The following PLPPR1 variants were observed in gnomAD, a reference collection of about 807,000 sequenced individuals.
PLPPR1 encodes phospholipid phosphatase-related protein type 1.
In PLPPR1, 10 loss-of-function variants were observed where a neutral mutation model predicts 33.1. The ratio of observed to expected loss-of-function variants is 0.30; its 90% CI spans 0.19 to 0.51. The LOEUF is 0.51. PLPPR1 is among the 20% of genes least tolerant of loss of function. The probability of loss-of-function intolerance (pLI) is 0.97; values close to 1 mark genes in which losing one functional copy is unlikely to be tolerated. For synonymous variants in PLPPR1, 151 were observed against 151.0 expected, an observed-to-expected ratio of 1.00 and a Z score of 0.00; for missense variants, 304 against 408.1, an observed-to-expected ratio of 0.74 and a Z score of 2.20.
At chr9:101,178,124 G>A (rs1010348595) in intron 1 of PLPPR1, among the ~76,000 whole-genome samples, 1 of 152,188 alleles carries the variant, frequency 6.6e-6, no homozygotes, top group African/African-American at 2.4e-5. Context: ...ATGATCAAGT[G>A]GATAGAATGA....
At chr9:101,046,366 C>T (rs1335761849) in intron 1 of PLPPR1, among the ~76,000 whole-genome samples, 1 of 151,624 alleles carries the variant, frequency 6.6e-6, no homozygotes, top group Non-Finnish European at 1.5e-5. Context: ...CCCAGAGCAA[C>T]AGGAAAATTG....
intron 2 of PLPPR1, among the ~76,000 whole-genome samples, chr9:101,210,989 G>A (rs950858834): frequency 2.0e-5 from 3 of 152,194 alleles, no homozygotes; most frequent in East Asian, 1.9e-4. Flanking sequence ...GGATGGTCTC[G>A]ATCTCCTGAC....
At chr9:101,094,547 C>T (rs1439135040) in intron 1 of PLPPR1, among the ~76,000 whole-genome samples, 1 of 152,104 alleles carries the variant, frequency 6.6e-6, no homozygotes, top group Admixed American at 6.5e-5. Flanking sequence ...ATCCCTTGAG[C>T]TTAGGACTGT....
intron 1 of PLPPR1, 138 bp from the exon 2 acceptor site, chr9:101,185,312 T>C (rs1193705404): frequency 1.1e-5 from 5 of 473,490 alleles, no homozygotes; most frequent in Non-Finnish European, 1.9e-5. Flanking sequence ...CTTGACTGTG[T>C]TGTAGATCAC....
chr9:101,204,150 C>T (rs1403123159), intron 2 of PLPPR1, among the ~76,000 whole-genome samples: 4 of 152,110 alleles, frequency 2.6e-5, no homozygotes, highest in Non-Finnish European at 5.9e-5. Context: ...GGTCTCATAA[C>T]CCAATATAAA....
Position 101,029,802 on chromosome 9 carries a change from T to C in PLPPR1, c.-46+700T>C, listed in dbSNP as rs114245636. Reference sequence around the variant, plus strand: ...CGGAGGACGCTAGGATCTCTCCTCCTCAGGGAAGGTGCTGTCTTCACGCAC... The same window carrying C: ...CGGAGGACGCTAGGATCTCTCCTCCCCAGGGAAGGTGCTGTCTTCACGCAC... On this transcript the variant is annotated intron_variant, in intron 1 of 7. Transcript: ENST00000374874. Among the ~76,000 whole-genome samples the C allele has an allele frequency of 7.8e-3, 1,183 of 152,238 alleles. 11 individuals carry two copies. The highest frequency in any genetic ancestry group is 0.028 in the African/African-American group (1,145 of 41,564).
At chr9:101,132,537 A>G (rs1254145238) in intron 1 of PLPPR1, among the ~76,000 whole-genome samples, 1 of 152,160 alleles carries the variant, frequency 6.6e-6, no homozygotes, top group Admixed American at 6.5e-5. Context: ...GAACACAGAG[A>G]ATTCTGAGGG....
intron 1 of PLPPR1, among the ~76,000 whole-genome samples, chr9:101,124,349 C>G (rs1191901005): frequency 6.6e-6 from 1 of 152,132 alleles, no homozygotes; most frequent in Non-Finnish European, 1.5e-5. Flanking sequence ...GTTCAGTTCT[C>G]TTGTATTCAG....
intron 2 of PLPPR1, among the ~76,000 whole-genome samples, chr9:101,221,757 C>G (rs900376501): frequency 6.6e-6 from 1 of 152,092 alleles, no homozygotes; most frequent in African/African-American, 2.4e-5. Context: ...GAAGTGTGTG[C>G]TTTTTGTCTC....
chr9:101,062,786 T>C (rs1311415826), intron 1 of PLPPR1, among the ~76,000 whole-genome samples: 1 of 151,666 alleles, frequency 6.6e-6, no homozygotes. Flanking sequence ...ATAGGCTCTA[T>C]GTTATCATAT....
chr9:101,102,873 G>C (rs1318954482), intron 1 of PLPPR1, among the ~76,000 whole-genome samples: 1 of 84,198 alleles, frequency 1.2e-5, no homozygotes, highest in Non-Finnish European at 2.2e-5. Flanking sequence ...TAGTGGTTTT[G>C]ATTTGCATTT....
At chr9:101,185,824 T>C (rs1273089219) in intron 2 of PLPPR1, among the ~76,000 whole-genome samples, 1 of 151,884 alleles carries the variant, frequency 6.6e-6, no homozygotes, top group Non-Finnish European at 1.5e-5. Flanking sequence ...TTGTGTTTTA[T>C]TATATTTCTT....
rs374286862 is a variant in PLPPR1 at position 101,215,051 on chromosome 9, A to T, written c.63+29494A>T. Among the ~76,000 whole-genome samples the T allele has an allele frequency of 2.5e-4, 38 of 151,958 alleles. No individual in the cohort carries two copies. In the South Asian group the frequency reaches 7.1e-3, roughly 28 times the overall value. On this transcript the variant is annotated intron_variant, in intron 2 of 7. Coordinates refer to ENST00000374874, the MANE Select transcript of PLPPR1 (RefSeq NM_207299.2). ...AAAAAAAAAAAAAAAGAAAGAAAAG[A>T]AAAAAGCTAAAGGGACCAGATAAAC...
chr9:101,181,810 T>C (rs1270009509), intron 1 of PLPPR1, among the ~76,000 whole-genome samples: 1 of 148,810 alleles, frequency 6.7e-6, no homozygotes, highest in Non-Finnish European at 1.5e-5. Context: ...TCTTCATTCA[T>C]TAATAATTGA....
At position 101,107,905 on chromosome 9, in the gene PLPPR1, C is replaced by T. The variant is rs1026692171; in HGVS notation, c.-45-77545C>T. Among the ~76,000 whole-genome samples the T allele has an allele frequency of 3.3e-5, 5 of 151,254 alleles. 1 individual carries two copies. Among genetic ancestry groups the T allele is most frequent in the African/African-American group, 1.2e-4 (5 of 40,780 alleles). On this transcript the variant is annotated intron_variant, in intron 1 of 7. Coordinates refer to ENST00000374874, the MANE Select transcript of PLPPR1 (RefSeq NM_207299.2). ...GCACAATATTCGGGTGGGAGTGACC[C>T]GATTTTCCAGGTGCGTTCGTCACCC...
chr9:101,246,441 C>T (rs970071545), intron 2 of PLPPR1, among the ~76,000 whole-genome samples: 7 of 152,050 alleles, frequency 4.6e-5, no homozygotes, highest in Admixed American at 3.3e-4. Context: ...ATAGTGTGTA[C>T]TATATGCCAG....
At chr9:101,178,937 A>G (rs1826059032) in intron 1 of PLPPR1, among the ~76,000 whole-genome samples, 1 of 152,108 alleles carries the variant, frequency 6.6e-6, no homozygotes, top group Non-Finnish European at 1.5e-5. Flanking sequence ...TTAGTTCCAG[A>G]GGGAGGAACA....
chr9:101,263,142 T>C (rs1827930754), intron 2 of PLPPR1, among the ~76,000 whole-genome samples: 1 of 152,066 alleles, frequency 6.6e-6, no homozygotes, highest in South Asian at 2.1e-4. Context: ...ATCCCAGAAC[T>C]TAAAGTATAA....
At chr9:101,273,730 C>T (rs183061916) in intron 3 of PLPPR1, among the ~76,000 whole-genome samples, 1 of 152,200 alleles carries the variant, frequency 6.6e-6, no homozygotes, top group East Asian at 1.9e-4. Flanking sequence ...AGTTTTTGTT[C>T]TTCATTTATA....
Sources: gnomAD v4.1 joint callset for allele counts (sites outside exome capture counted in the v4.1 genomes callset) on GRCh38, gnomAD v4.1.1 for gene constraint, MANE v1.5 for transcripts, NCBI Gene and HGNC (gene_info 2026-07-23, HGNC 2026-07-21) for gene names.